GALNTL6: variants seen among roughly 807,000 people sequenced by gnomAD.
The protein encoded by GALNTL6 is polypeptide N-acetylgalactosaminyltransferase like 6.
Under a neutral mutation model 73.7 loss-of-function variants are expected in GALNTL6, and 46 were observed. The observed-to-expected ratio is 0.62, with a 90% CI of 0.49 to 0.80. GALNTL6 has a LOEUF of 0.80. GALNTL6 is among the 30% of genes least tolerant of loss of function. The pLI is 0.00. For missense variants in GALNTL6, 604 were observed against 755.0 expected, an observed-to-expected ratio of 0.80 and a Z score of 2.34; for synonymous variants, 259 against 263.7, an observed-to-expected ratio of 0.98 and a Z score of 0.17.
chr4:172,575,166 T>C (rs62330035), intron 5 of GALNTL6, among the ~76,000 whole-genome samples: 10,162 of 152,312 alleles, frequency 0.067, 496 homozygotes, highest in East Asian at 0.22. Flanking sequence ...ATTACATGCA[T>C]TGTGTATACA....
At chr4:172,091,471 C>T (rs1732201191) in intron 2 of GALNTL6, among the ~76,000 whole-genome samples, 1 of 152,148 alleles carries the variant, frequency 6.6e-6, no homozygotes, top group Admixed American at 6.5e-5. Context: ...CTTTACCCAA[C>T]TCTAAGACAA....
At position 173,040,047 on chromosome 4, in the gene GALNTL6, G is replaced by T. The variant is rs1304557898; in HGVS notation, c.1753G>T (p.Glu585Ter). 1 of 1,613,432 alleles carries T rather than the reference G, an allele frequency of 6.2e-7. No individual in the cohort carries two copies. The highest frequency in any genetic ancestry group is 1.7e-5 in the Admixed American group (1 of 59,970). ...CTCTGAGACTCAGCAGTGGATTTTT[G>T]AACACATTAATATGACTGTTTTAGA... The part of the protein sequence containing the change: ...PLSETQQWIF[E>*]HINMTVLEKF... Residue 585 changes from glutamate (E) to a stop codon, truncating the protein, a stop_gained, in exon 13 of 13, where the codon GAA becomes TAA. Coordinates refer to ENST00000506823, the MANE Select transcript of GALNTL6 (RefSeq NM_001034845.3). LOFTEE classifies it high-confidence loss of function.
At chr4:173,014,037 G>GT (rs1561086972) in intron 11 of GALNTL6, among the ~76,000 whole-genome samples, 40 of 136,186 alleles carry the variant, frequency 2.9e-4, no homozygotes, top group Admixed American at 6.2e-4. Context: ...GAAATAATCC[G>GT]TTTTTTTCCA....
intron 5 of GALNTL6, among the ~76,000 whole-genome samples, chr4:172,625,935 T>A (rs1255411646): frequency 6.6e-6 from 1 of 152,136 alleles, no homozygotes; most frequent in Non-Finnish European, 1.5e-5. Flanking sequence ...GTTGGATGCA[T>A]AGTTTGCAAA....
chr4:172,671,355 A>C (rs1731973036), intron 5 of GALNTL6, among the ~76,000 whole-genome samples: 1 of 152,072 alleles, frequency 6.6e-6, no homozygotes, highest in Admixed American at 6.5e-5. Context: ...CTCCTTGTAG[A>C]GATGTTTCAC....
intron 3 of GALNTL6, among the ~76,000 whole-genome samples, chr4:172,264,255 G>A (rs562219906): frequency 4.6e-4 from 70 of 150,856 alleles, no homozygotes; most frequent in African/African-American, 1.6e-3. Context: ...ACTCTATATG[G>A]GTCTTAACTT....
intron 5 of GALNTL6, among the ~76,000 whole-genome samples, chr4:172,697,098 C>T (rs1044058313): frequency 6.6e-6 from 1 of 152,004 alleles, no homozygotes; most frequent in East Asian, 1.9e-4. Flanking sequence ...TGGCTCTGAC[C>T]TTTTTGGTTA....
At chr4:172,624,558 G>A (rs62328837) in intron 5 of GALNTL6, among the ~76,000 whole-genome samples, 12,560 of 151,962 alleles carry the variant, frequency 0.083, 702 homozygotes, top group East Asian at 0.21. Flanking sequence ...TGAAATCCAT[G>A]GAGTCTAAAC....
At chr4:172,247,497 A>G (rs1322463883) in intron 3 of GALNTL6, among the ~76,000 whole-genome samples, 1 of 152,198 alleles carries the variant, frequency 6.6e-6, no homozygotes, top group Non-Finnish European at 1.5e-5. Context: ...TCCAACAGTC[A>G]TTCTCTTAAA....
chr4:172,260,936 C>A (rs1336031749), intron 3 of GALNTL6, among the ~76,000 whole-genome samples: 1 of 151,570 alleles, frequency 6.6e-6, no homozygotes, highest in Non-Finnish European at 1.5e-5. Context: ...GCCATCCCTG[C>A]ATCCCTGGTG....
intron 5 of GALNTL6, among the ~76,000 whole-genome samples, chr4:172,662,788 A>G (rs1731445782): frequency 6.6e-6 from 1 of 152,222 alleles, no homozygotes; most frequent in Non-Finnish European, 1.5e-5. Flanking sequence ...CAAATAAGCA[A>G]CCAAAAAAAT....
At chr4:172,528,316 T>TAA (rs1220568227) in intron 5 of GALNTL6, among the ~76,000 whole-genome samples, 83 of 106,698 alleles carry the variant, frequency 7.8e-4, no homozygotes, top group Middle Eastern at 4.7e-3. Context: ...TTGCTAGAAA[T>TAA]AAAATATATA....
chr4:172,790,896 C>CGAAAA (rs1739958163), intron 5 of GALNTL6, among the ~76,000 whole-genome samples: 1 of 71,444 alleles, frequency 1.4e-5, no homozygotes, highest in African/African-American at 5.1e-5. Context: ...GAGACTCCAT[C>CGAAAA]AAAAAAAAAA....
At chr4:172,578,604 C>T (rs977488657) in intron 5 of GALNTL6, among the ~76,000 whole-genome samples, 15 of 152,124 alleles carry the variant, frequency 9.9e-5, no homozygotes, top group Non-Finnish European at 2.2e-4. Context: ...AATATTTCCA[C>T]GTGATTTATT....
intron 5 of GALNTL6, among the ~76,000 whole-genome samples, chr4:172,678,097 T>A (rs1053118470): frequency 2.0e-5 from 3 of 152,192 alleles, no homozygotes; most frequent in African/African-American, 7.2e-5. Context: ...TAGACATTTT[T>A]AATCTCATAA....
intron 5 of GALNTL6, among the ~76,000 whole-genome samples, chr4:172,599,594 T>TA (rs774569442): frequency 1.2e-4 from 19 of 152,130 alleles, no homozygotes; most frequent in Non-Finnish European, 2.5e-4. Flanking sequence ...AAAAATTTCT[T>TA]ACCATTTTCA....
intron 7 of GALNTL6, among the ~76,000 whole-genome samples, chr4:172,878,525 T>A (rs1745299110): frequency 6.6e-6 from 1 of 151,832 alleles, no homozygotes; most frequent in Non-Finnish European, 1.5e-5. Context: ...AAAAGTTTTT[T>A]ATAGTATATG....
intron 9 of GALNTL6, among the ~76,000 whole-genome samples, chr4:172,949,325 A>G (rs1749325595): frequency 6.6e-6 from 1 of 152,218 alleles, no homozygotes; most frequent in Non-Finnish European, 1.5e-5. Flanking sequence ...GTCAAAACAG[A>G]GTCCTGAGGG....
chr4:172,683,869 G>C (rs545913461), intron 5 of GALNTL6, among the ~76,000 whole-genome samples: 3 of 152,296 alleles, frequency 2.0e-5, no homozygotes, highest in East Asian at 3.9e-4. Flanking sequence ...TGGAAGCAGG[G>C]ATTAGCTTTT....
Sources: allele counts gnomAD v4.1 joint callset (sites outside exome capture counted in the v4.1 genomes callset), GRCh38; gene constraint gnomAD v4.1.1; transcripts MANE v1.5; gene names NCBI Gene and HGNC (gene_info 2026-07-23, HGNC 2026-07-21).